SEMA5A: variants seen among roughly 807,000 people sequenced by gnomAD.
SEMA5A encodes semaphorin-5A.
Under a neutral mutation model 135.5 loss-of-function variants are expected in SEMA5A, and 55 were observed. The ratio of observed to expected loss-of-function variants is 0.41; its 90% confidence interval spans 0.33 to 0.51. SEMA5A has a LOEUF of 0.51. Ranked by LOEUF, SEMA5A falls within the 20% of genes least tolerant of loss-of-function variation. The pLI is 0.37. For synonymous variants in SEMA5A, 580 were observed against 546.5 expected, an observed-to-expected ratio of 1.06 and a Z score of -0.85; for missense variants, 1,290 against 1,419.9, an observed-to-expected ratio of 0.91 and a Z score of 1.47.
chr5:9,412,952 G>C (rs933383111), intron 2 of SEMA5A, among the ~76,000 whole-genome samples: 1 of 152,062 alleles, frequency 6.6e-6, no homozygotes, highest in East Asian at 1.9e-4. Flanking sequence ...AAGCATTCCT[G>C]TACCATCCAT....
At position 9,510,892 on chromosome 5, in the gene SEMA5A, A is replaced by G. The variant is rs139977443; in HGVS notation, c.-175+34692T>C. ...AGTTTGGAGCATATTTTTGGTGACAACTATTGGACATACGAATTGTCACCA... is the reference window on the plus strand; with the variant it reads ...AGTTTGGAGCATATTTTTGGTGACAGCTATTGGACATACGAATTGTCACCA... On this transcript the variant is annotated intron_variant, in intron 1 of 22. Transcript: ENST00000382496. 2.7e-3 allele frequency among the ~76,000 whole-genome samples: 414 copies of G among 152,338 alleles called. 2 individuals carry two copies. The South Asian group carries it at 0.043, about 16-fold the overall frequency.
chr5:9,425,409 G>A (rs555185012), intron 2 of SEMA5A, among the ~76,000 whole-genome samples: 1 of 152,294 alleles, frequency 6.6e-6, no homozygotes, highest in East Asian at 1.9e-4. Flanking sequence ...GGGGAGGAGG[G>A]AGAATGCAAG....
chr5:9,050,386 A>G (rs778492249), intron 21 of SEMA5A, 24 bp downstream of exon 21: 1 of 1,597,478 alleles, frequency 6.3e-7, no homozygotes, highest in South Asian at 1.1e-5. Context: ...CATCCATTAC[A>G]ACTACTTAAA....
chr5:9,216,568 T>G (rs1746640327), intron 8 of SEMA5A, among the ~76,000 whole-genome samples: 1 of 152,198 alleles, frequency 6.6e-6, no homozygotes, highest in African/African-American at 2.4e-5. Context: ...ATGATCTGTC[T>G]AATACTGTCA....
chr5:9,300,148 C>T (rs1319500353), intron 5 of SEMA5A, among the ~76,000 whole-genome samples: 1 of 152,134 alleles, frequency 6.6e-6, no homozygotes, highest in East Asian at 1.9e-4. Context: ...CTGCCTTGGC[C>T]TCCCATGTAG....
chr5:9,222,992 T>G (rs112835474), intron 8 of SEMA5A, among the ~76,000 whole-genome samples: 2 of 152,246 alleles, frequency 1.3e-5, no homozygotes, highest in African/African-American at 4.8e-5. Flanking sequence ...GGGATAGGGA[T>G]TCTTGATTTT....
At chr5:9,437,444 C>T (rs268536) in intron 2 of SEMA5A, among the ~76,000 whole-genome samples, 27,054 of 152,028 alleles carry the variant, frequency 0.18, 2,661 homozygotes, top group African/African-American at 0.26. Context: ...GCAAACTCTG[C>T]CTCCTGGGTT....
At chr5:9,068,005 A>G (rs1737568694) in intron 16 of SEMA5A, among the ~76,000 whole-genome samples, 6 of 151,804 alleles carry the variant, frequency 4.0e-5, no homozygotes, top group Admixed American at 3.9e-4. Context: ...ATTGTATGCT[A>G]TTCTTATTTT....
At chr5:9,407,878 A>G (rs1756948036) in intron 2 of SEMA5A, among the ~76,000 whole-genome samples, 1 of 152,006 alleles carries the variant, frequency 6.6e-6, no homozygotes, top group Admixed American at 6.6e-5. Flanking sequence ...CATCACCATC[A>G]CCATCATCAC....
At chr5:9,169,738 AGGAAG>A (rs1743810248) in intron 11 of SEMA5A, among the ~76,000 whole-genome samples, 2 of 152,170 alleles carry the variant, frequency 1.3e-5, no homozygotes, top group Non-Finnish European at 2.9e-5. Context: ...CTTCATGACA[AGGAAG>A]GGCCTCCAGG....
chr5:9,381,807 A>C (rs1755621475), intron 2 of SEMA5A, among the ~76,000 whole-genome samples: 1 of 152,208 alleles, frequency 6.6e-6, no homozygotes, highest in Non-Finnish European at 1.5e-5. Flanking sequence ...AATCTGCTAC[A>C]TTTGGGGAAC....
At chr5:9,450,819 C>G (rs1409411954) in intron 1 of SEMA5A, among the ~76,000 whole-genome samples, 1 of 151,454 alleles carries the variant, frequency 6.6e-6, no homozygotes, top group African/African-American at 2.4e-5. Flanking sequence ...ATCAATATGT[C>G]CTTAGCAGCA....
At chr5:9,407,334 G>A (rs903378177) in intron 2 of SEMA5A, among the ~76,000 whole-genome samples, 2 of 152,176 alleles carry the variant, frequency 1.3e-5, no homozygotes, top group African/African-American at 4.8e-5. Context: ...TACAGAAAGT[G>A]CTACGCATAG....
chr5:9,350,950 G>A (rs962767337), intron 3 of SEMA5A, among the ~76,000 whole-genome samples: 6 of 152,138 alleles, frequency 3.9e-5, no homozygotes, highest in African/African-American at 7.2e-5. Context: ...CAGTGGTACT[G>A]GAGACCACCA....
chr5:9,101,278 G>A (rs769134536), intron 16 of SEMA5A, among the ~76,000 whole-genome samples: 2 of 152,176 alleles, frequency 1.3e-5, no homozygotes, highest in Non-Finnish European at 2.9e-5. Context: ...CAGTGTAGTG[G>A]GGGAAACAAG....
intron 18 of SEMA5A, among the ~76,000 whole-genome samples, chr5:9,061,181 T>C (rs1737162644): frequency 6.6e-6 from 1 of 151,964 alleles, no homozygotes; most frequent in Non-Finnish European, 1.5e-5. Flanking sequence ...CAGGATGCAC[T>C]CTCCCTAAAC....
chr5:9,255,357 A>G (rs569861766), intron 5 of SEMA5A, among the ~76,000 whole-genome samples: 4 of 152,284 alleles, frequency 2.6e-5, no homozygotes, highest in Admixed American at 2.0e-4. Context: ...CAAGGTGCTG[A>G]CCACATTATG....
intron 3 of SEMA5A, among the ~76,000 whole-genome samples, chr5:9,358,026 C>T (rs1038916629): frequency 2.0e-5 from 3 of 152,172 alleles, no homozygotes; most frequent in African/African-American, 4.8e-5. Flanking sequence ...AGTGGATCAT[C>T]TGGAGTATCT....
At chr5:9,482,716 G>A (rs1759922077) in intron 1 of SEMA5A, among the ~76,000 whole-genome samples, 1 of 152,174 alleles carries the variant, frequency 6.6e-6, no homozygotes, top group South Asian at 2.1e-4. Flanking sequence ...CACACAATTG[G>A]CTCTCACAAG....
Sources: allele counts gnomAD v4.1 joint callset (sites outside exome capture counted in the v4.1 genomes callset), GRCh38; gene constraint gnomAD v4.1.1; transcripts MANE v1.5; gene names NCBI Gene and HGNC (gene_info 2026-07-23, HGNC 2026-07-21).